Variants in CACNA1I observed in about 807,000 individuals in gnomAD.
The protein encoded by CACNA1I is calcium voltage-gated channel subunit alpha1 I, also known as voltage-dependent T-type calcium channel subunit alpha-1I.
CACNA1I carries 74 observed loss-of-function variants against 201.6 expected under a neutral mutation model. The observed-to-expected ratio is 0.37, with a 90% CI of 0.30 to 0.45. The LOEUF is 0.45. Ranked by LOEUF, CACNA1I falls within the 20% of genes least tolerant of loss-of-function variation. The probability of loss-of-function intolerance (pLI) is 1.00; values close to 1 mark genes in which losing one functional copy is unlikely to be tolerated. For missense variants in CACNA1I, 2,346 were observed against 3,138.1 expected, an observed-to-expected ratio of 0.75 and a Z score of 6.03; for synonymous variants, 1,431 against 1,345.2, an observed-to-expected ratio of 1.06 and a Z score of -1.40.
At chr22:39,624,743 A>T (rs1933851603) in intron 4 of CACNA1I, among the ~76,000 whole-genome samples, 1 of 152,090 alleles carries the variant, frequency 6.6e-6, no homozygotes, top group African/African-American at 2.4e-5. Flanking sequence ...CCACCAGGGG[A>T]TTAGTGACTT....
At chr22:39,575,214 C>T (rs539356665) in intron 1 of CACNA1I, among the ~76,000 whole-genome samples, 1 of 152,354 alleles carries the variant, frequency 6.6e-6, no homozygotes, top group African/African-American at 2.4e-5. Flanking sequence ...GTGGAAAGCG[C>T]TGGGCACCTG....
intron 5 of CACNA1I, 71 bp downstream of exon 5, chr22:39,634,795 C>T: frequency 6.8e-7 from 1 of 1,469,730 alleles, no homozygotes; most frequent in Non-Finnish European, 9.3e-7. Context: ...CCTTCTGGGT[C>T]ATTGGGAATC....
At chr22:39,623,927 GTT>G (rs1933826783) in intron 4 of CACNA1I, among the ~76,000 whole-genome samples, 1 of 139,706 alleles carries the variant, frequency 7.2e-6, no homozygotes, top group African/African-American at 2.7e-5. Flanking sequence ...TGTGTGACGT[GTT>G]TGTGTGTGTG....
chr22:39,625,473 C>A (rs1933872092), intron 4 of CACNA1I, among the ~76,000 whole-genome samples: 1 of 152,216 alleles, frequency 6.6e-6, no homozygotes, highest in Non-Finnish European at 1.5e-5. Context: ...AGTCCCTTGG[C>A]ATCTCTGGGC....
intron 1 of CACNA1I, among the ~76,000 whole-genome samples, chr22:39,590,800 A>G (rs1459669610): frequency 6.6e-6 from 1 of 152,190 alleles, no homozygotes; most frequent in African/African-American, 2.4e-5. Context: ...CTGATGTTGC[A>G]GGGTGACCCT....
At chr22:39,598,347 C>A in intron 2 of CACNA1I, 85 bp downstream of exon 2, 1 of 688,728 alleles carries the variant, frequency 1.5e-6, no homozygotes, top group South Asian at 1.7e-5. Flanking sequence ...ACCCCCGCCC[C>A]ATGTCCTGGC....
chr22:39,632,615 G>C (rs989431043), intron 4 of CACNA1I, among the ~76,000 whole-genome samples: 4 of 152,180 alleles, frequency 2.6e-5, no homozygotes, highest in Non-Finnish European at 5.9e-5. Context: ...TAAAAAATGG[G>C]TCTTGTTTGT....
Position 39,677,391 on chromosome 22 carries a change from T to C in CACNA1I, c.4905T>C (p.Ala1635=). 2 of 1,595,282 alleles carry C rather than the reference T, an allele frequency of 1.3e-6. No homozygotes were observed. Among genetic ancestry groups the C allele is most frequent in the South Asian group, 1.1e-5 (1 of 87,886 alleles). ...TGCTGCTCTTCTTCATCTATGCTGC[T>C]CTCGGGGTGGAGCTCTTTGGGAAGC... ...LFMLLFFIYA[A]LGVELFGKLV... Residue 1635 remains alanine (A), a synonymous_variant, in exon 30 of 37, where the codon GCT becomes GCC. Coordinates refer to ENST00000402142, the MANE Select transcript of CACNA1I (RefSeq NM_021096.4). The surrounding 1 kb of genome is among the most constrained non-coding windows in gnomAD (Gnocchi z 4.8).
intron 2 of CACNA1I, among the ~76,000 whole-genome samples, chr22:39,598,642 A>C (rs1328748646): frequency 6.6e-6 from 1 of 151,808 alleles, no homozygotes. Context: ...AAGAACAGTG[A>C]CCCCGACTCT....
intron 20 of CACNA1I, among the ~76,000 whole-genome samples, chr22:39,664,414 C>T (rs1935117899): frequency 6.6e-6 from 1 of 152,150 alleles, no homozygotes. Flanking sequence ...ATGGAGGCAC[C>T]TGCTAGAGGT....
chr22:39,639,166 C>A (rs1250972288), intron 5 of CACNA1I, among the ~76,000 whole-genome samples: 2 of 152,184 alleles, frequency 1.3e-5, no homozygotes, highest in Non-Finnish European at 2.9e-5. Flanking sequence ...TTTCCTATAA[C>A]TGTTTGCAGA....
At chr22:39,673,159 C>T in intron 28 of CACNA1I, 77 bp downstream of exon 28, 1 of 1,017,178 alleles carries the variant, frequency 9.8e-7, no homozygotes, top group African/African-American at 1.6e-5. Flanking sequence ...GATGAGAACA[C>T]ACAGGAGTGG....
At chr22:39,674,642 AT>A in intron 29 of CACNA1I, among the ~76,000 whole-genome samples, 1 of 152,156 alleles carries the variant, frequency 6.6e-6, no homozygotes, top group African/African-American at 2.4e-5. Context: ...CCTCCCGAGA[AT>A]TCTGCAATCC....
rs1323141159 is a variant in CACNA1I, at chr22:39,666,992, A to G, written c.4104+986A>G. ...CCCAGTGCCAGCTCCGCCCCTTTGG[A>G]GCATTTCTGGGTCTGCCTGGCTCTC... On this transcript the variant is annotated intron_variant, in intron 23 of 36. Coordinates refer to ENST00000402142, the MANE Select transcript of CACNA1I (RefSeq NM_021096.4). This position sits in a 1 kb window ranked among gnomAD's most constrained non-coding sequence, Gnocchi z 4.1. 2.0e-5 allele frequency among the ~76,000 whole-genome samples: 3 copies of G among 152,056 alleles called. No individual in the cohort carries two copies. Among genetic ancestry groups the G allele is most frequent in the African/African-American group, 7.3e-5 (3 of 41,374 alleles).
chr22:39,642,464 G>T (rs1380619424), intron 6 of CACNA1I, among the ~76,000 whole-genome samples: 2 of 152,184 alleles, frequency 1.3e-5, no homozygotes, highest in Non-Finnish European at 2.9e-5. Flanking sequence ...ACTCAAAGAG[G>T]GTGGGTGGCC....
In CACNA1I at chr22:39,649,724, C is replaced by A; in HGVS notation, c.1791C>A (p.Ser597Arg). 6 of 1,544,070 alleles carry A rather than the reference C, an allele frequency of 3.9e-6. No homozygotes were observed. Among genetic ancestry groups the A allele is most frequent in the Non-Finnish European group, 8.7e-7 (1 of 1,144,394 alleles). The change falls in exon 10 of 37, where the codon AGC becomes AGA. Residue 597 changes from serine (S) to arginine (R), a missense_variant. By Grantham distance (110) the Ser-to-Arg change is moderately radical (BLOSUM62 -1). Transcript: ENST00000402142. This position sits in a 1 kb window ranked among gnomAD's most constrained non-coding sequence, Gnocchi z 7.3. ...DEADGDGARS[S>R]EDGASSELGK... ...CGGATGGGGACGGGGCCCGGAGCAG[C>A]GAGGACGGAGCCTCCTCAGAACTGG...
In CACNA1I at chr22:39,639,070, A is replaced by G. The variant is rs185718653; in HGVS notation, c.741-1797A>G. On this transcript the variant is annotated intron_variant, in intron 5 of 36. Transcript: ENST00000402142. ...CCTCTTATCTCCTTTGTATGTTGCGAATACTTAATCCCATTCAACAGCAAA... is the reference window on the plus strand; with the variant it reads ...CCTCTTATCTCCTTTGTATGTTGCGGATACTTAATCCCATTCAACAGCAAA... Among the ~76,000 whole-genome samples, 5 of 152,322 alleles carry G rather than the reference A, an allele frequency of 3.3e-5. No individual in the cohort carries two copies. In the East Asian group the frequency reaches 9.6e-4, roughly 29 times the overall value.
In CACNA1I at chr22:39,682,537, G is replaced by C. The variant is rs60827626; in HGVS notation, c.5706G>C (p.Leu1902=). 91 of 1,613,786 alleles carry C rather than the reference G, an allele frequency of 5.6e-5. No homozygotes were observed. In the African/African-American group the frequency reaches 1.1e-3, roughly 19 times the overall value. Residue 1902 remains leucine, a synonymous_variant, in exon 35 of 37, where the codon CTG becomes CTC. Transcript: ENST00000402142. The part of the protein sequence containing the change: ...DPPEPMRVGD[L]GECFFPLSST... ...CTGAGCCCATGCGTGTGGGAGACCT[G>C]GGCGAATGCTTCTTCCCCTTGTCCT...
chr22:39,602,066 CCCTT>C (rs1256352392), intron 3 of CACNA1I, among the ~76,000 whole-genome samples: 2 of 74,064 alleles, frequency 2.7e-5, no homozygotes, highest in African/African-American at 1.2e-4. Flanking sequence ...CTCCCTCCCT[CCCTT>C]CCTTCCTTCC....
Sources: allele counts gnomAD v4.1 joint callset (sites outside exome capture counted in the v4.1 genomes callset), GRCh38; gene constraint gnomAD v4.1.1; non-coding constraint Gnocchi (gnomAD v3.1); transcripts MANE v1.5; gene names NCBI Gene and HGNC (gene_info 2026-07-23, HGNC 2026-07-21).